Variants in EMB observed in about 807,000 individuals in gnomAD.
EMB encodes embigin, also known as embigin homolog.
Under a neutral mutation model 41.4 loss-of-function variants are expected in EMB, and 31 were observed. That is an observed-to-expected ratio of 0.75 (90% CI 0.56 to 1.01). The LOEUF (loss-of-function observed/expected upper bound fraction) is 1.01. Ranked by LOEUF, EMB falls within the 50% of genes least tolerant of loss-of-function variation. The probability of loss-of-function intolerance (pLI) is 0.00; values close to 1 mark genes in which losing one functional copy is unlikely to be tolerated. For missense variants in EMB, 379 were observed against 388.3 expected (o/e 0.98, Z 0.20); for synonymous variants, 137 against 140.4 (o/e 0.98, Z 0.17).
At chr5:50,408,268 G>T (rs1228825806) in intron 4 of EMB, among the ~76,000 whole-genome samples, 1 of 151,640 alleles carries the variant, frequency 6.6e-6, no homozygotes, top group Non-Finnish European at 1.5e-5. Flanking sequence ...TAAATATTAT[G>T]GAAGCTTTCA....
chr5:50,442,305 T>G (rs539145691), upstream of EMB, among the ~76,000 whole-genome samples: 2 of 152,308 alleles, frequency 1.3e-5, no homozygotes, highest in African/African-American at 4.8e-5. Context: ...TAATTTGTAA[T>G]TGGTACGTAT....
intron 1 of EMB, among the ~76,000 whole-genome samples, chr5:50,434,821 A>T (rs1745777804): frequency 6.6e-6 from 1 of 152,204 alleles, no homozygotes; most frequent in Non-Finnish European, 1.5e-5. Context: ...AATAGTGGCA[A>T]TTTTTATTAG....
intron 1 of EMB, among the ~76,000 whole-genome samples, chr5:50,440,701 G>C (rs983348839): frequency 6.6e-6 from 1 of 152,056 alleles, no homozygotes; most frequent in African/African-American, 2.4e-5. Flanking sequence ...CAAGTCGCTA[G>C]CTGGTCCCTG....
intron 1 of EMB, among the ~76,000 whole-genome samples, chr5:50,431,134 T>A (rs140360398): frequency 7.9e-5 from 12 of 152,236 alleles, no homozygotes; most frequent in African/African-American, 2.6e-4. Context: ...CTAATCTTGG[T>A]CAAGCTTCAG....
intron 1 of EMB, among the ~76,000 whole-genome samples, chr5:50,432,752 A>T (rs1252858915): frequency 8.6e-5 from 7 of 81,368 alleles, no homozygotes; most frequent in Non-Finnish European, 1.6e-4. Context: ...AAAACAAGTA[A>T]AAAAAAAAAA....
intron 2 of EMB, among the ~76,000 whole-genome samples, chr5:50,422,394 T>C (rs1745539480): frequency 6.6e-6 from 1 of 152,240 alleles, no homozygotes; most frequent in Non-Finnish European, 1.5e-5. Context: ...GGTTGCAAAG[T>C]AAAATGTACT....
intron 1 of EMB, among the ~76,000 whole-genome samples, chr5:50,429,053 G>A (rs558104015): frequency 5.8e-4 from 88 of 152,004 alleles, no homozygotes; most frequent in Non-Finnish European, 1.2e-3. Flanking sequence ...CCGCCACCAC[G>A]CCCAGCTAAT....
At chr5:50,408,698 T>C (rs189274666) in intron 4 of EMB, among the ~76,000 whole-genome samples, 6 of 152,196 alleles carry the variant, frequency 3.9e-5, no homozygotes, top group South Asian at 4.1e-4. Context: ...TAAGAAAAGA[T>C]AATTATTCTT....
chr5:50,427,489 C>CATTATT (rs36061609), intron 2 of EMB, among the ~76,000 whole-genome samples: 16 of 149,476 alleles, frequency 1.1e-4, no homozygotes, highest in South Asian at 4.2e-4. Flanking sequence ...TAAATGAAGA[C>CATTATT]ATTATTATTA....
At chr5:50,433,476 A>G (rs1745757373) in intron 1 of EMB, among the ~76,000 whole-genome samples, 1 of 152,228 alleles carries the variant, frequency 6.6e-6, no homozygotes, top group Admixed American at 6.5e-5. Flanking sequence ...ATTAAAAAAT[A>G]AAACCCCGAA....
chr5:50,416,414 G>A (rs1178080095), intron 2 of EMB, among the ~76,000 whole-genome samples: 1 of 152,142 alleles, frequency 6.6e-6, no homozygotes, highest in Non-Finnish European at 1.5e-5. Flanking sequence ...ACAATTTGCA[G>A]TCTTCAGAGA....
rs1220207908 is a variant in EMB, at chr5:50,406,930, C to A, written c.473-1078G>T. On this transcript the variant is annotated intron_variant, in intron 4 of 8. Coordinates refer to ENST00000303221, the MANE Select transcript of EMB (RefSeq NM_198449.3). The stretch of plus-strand genomic sequence containing the variant: ...GCTGAAGCCACAAGTTTCCCTACAA[C>A]CTGAGAGGAAGAGCAGCCACACTTC... Among the ~76,000 whole-genome samples, 3 of 151,940 alleles carry A rather than the reference C, an allele frequency of 2.0e-5. 1 individual carries two copies. Among genetic ancestry groups the A allele is most frequent in the Admixed American group, 2.0e-4 (3 of 15,210 alleles).
intron 1 of EMB, among the ~76,000 whole-genome samples, chr5:50,440,426 T>G (rs1579748904): frequency 1.3e-5 from 2 of 148,226 alleles, no homozygotes; most frequent in Admixed American, 6.9e-5. Context: ...CCAGCTACTC[T>G]GGAGGCTGAC....
At chr5:50,401,732 A>G (rs1745165588) in intron 7 of EMB, among the ~76,000 whole-genome samples, 15 of 151,988 alleles carry the variant, frequency 9.9e-5, no homozygotes, top group Admixed American at 9.8e-4. Context: ...TAACTAATAG[A>G]ATTCTAGGCC....
chr5:50,441,462 G>A (rs867423577), upstream of EMB: 13 of 226,310 alleles, frequency 5.7e-5, no homozygotes, highest in African/African-American at 6.8e-5. Flanking sequence ...GGCTCTAGCA[G>A]GTCGGGAGAG....
intron 5 of EMB, among the ~76,000 whole-genome samples, 191 bp downstream of exon 5, chr5:50,405,534 C>T (rs571152844): frequency 4.6e-5 from 7 of 152,034 alleles, no homozygotes; most frequent in South Asian, 2.1e-4. Context: ...ATATGTATAA[C>T]GTAAACATGC....
At chr5:50,413,305 A>G (rs1745374867) in intron 2 of EMB, among the ~76,000 whole-genome samples, 1 of 152,196 alleles carries the variant, frequency 6.6e-6, no homozygotes, top group Non-Finnish European at 1.5e-5. Flanking sequence ...TGAATCATGG[A>G]TCTAGGCATT....
Position 50,399,091 on chromosome 5 carries a change from C to T in EMB, c.*182G>A. The T allele has an allele frequency of 1.5e-6, 1 of 679,394 alleles. No individual in the cohort carries two copies. Among genetic ancestry groups the T allele is most frequent in the Non-Finnish European group, 2.2e-6 (1 of 446,212 alleles). The allele number at this position is 679,394 out of a possible 1,614,324, so 42.1% of individuals were successfully genotyped here. A position where few individuals can be genotyped will look rare whatever the true frequency, so the allele number is the denominator to read the frequency against. Reference sequence around the variant, plus strand: ...ACATTGCTTTTATGTAACATAATTACAGAATGAAAATATACCTTTAGATCT... The same window carrying T: ...ACATTGCTTTTATGTAACATAATTATAGAATGAAAATATACCTTTAGATCT... On this transcript the variant is annotated 3_prime_UTR_variant, in exon 9 of 9. Coordinates refer to ENST00000303221, the MANE Select transcript of EMB (RefSeq NM_198449.3).
Position 50,410,860 on chromosome 5 carries a change from A to G in EMB, c.472+17T>C, listed in dbSNP as rs1181238200. The G allele has an allele frequency of 6.9e-7, 1 of 1,456,460 alleles. No individual in the cohort carries two copies. Among genetic ancestry groups the G allele is most frequent in the Admixed American group, 2.1e-5 (1 of 47,604 alleles). The allele number at this position is 1,456,460 out of a possible 1,614,324, so 90.2% of individuals were successfully genotyped here. ...ATGCTGAAGTTATTAACTATTCCTC[A>G]AGTTATTAATACTGACCTTTGAAAT... On this transcript the variant is annotated intron_variant, in intron 4 of 8. Coordinates refer to ENST00000303221, the MANE Select transcript of EMB (RefSeq NM_198449.3).
Sources: gnomAD v4.1 joint callset for allele counts (sites outside exome capture counted in the v4.1 genomes callset) on GRCh38, gnomAD v4.1.1 for gene constraint, MANE v1.5 for transcripts, NCBI Gene and HGNC (gene_info 2026-07-23, HGNC 2026-07-21) for gene names.